The following DOCK7 variants were observed in gnomAD, a reference collection of about 807,000 sequenced individuals.
DOCK7 encodes dedicator of cytokinesis protein 7.
DOCK7 carries 138 observed loss-of-function variants against 271.0 expected under a neutral mutation model. That is an observed-to-expected ratio of 0.51 (90% CI 0.44 to 0.59). The LOEUF is 0.59. Among genes scored for constraint, DOCK7 ranks in the 20% least tolerant of loss-of-function variants. The pLI, the probability that DOCK7 is intolerant of heterozygous loss-of-function variation, is 0.00. For synonymous variants in DOCK7, 823 were observed against 876.1 expected (o/e 0.94, Z 1.07); for missense variants, 2,066 against 2,592.4 (o/e 0.80, Z 4.41).
Position 62,474,013 on chromosome 1 carries a change from G to A in DOCK7, c.6181C>T (p.Leu2061=). ...GTAAAATCTTTAAAGCAGAGTCGCAGTTTATTATGATGTCTGAAGAGCTTT... is the reference window on the plus strand; with the variant it reads ...GTAAAATCTTTAAAGCAGAGTCGCAATTTATTATGATGTCTGAAGAGCTTT... The part of the protein sequence containing the change: ...DPKLFRHHNK[L]RLCFKDFTKR... Residue 2061 remains leucine, a synonymous_variant, in exon 48 of 50, where the codon CTG becomes TTG. Coordinates refer to ENST00000635253, the MANE Select transcript of DOCK7 (RefSeq NM_001367561.1). 6.2e-7 allele frequency: 1 copy of A among 1,614,036 alleles called. No individual in the cohort carries two copies. The highest frequency in any genetic ancestry group is 8.5e-7 in the Non-Finnish European group (1 of 1,179,962).
Position 62,545,029 on chromosome 1 carries a change from C to T in DOCK7, c.2777G>A (p.Arg926His), listed in dbSNP as rs1389346235. 2.6e-6 allele frequency: 4 copies of T among 1,548,820 alleles called. No individual in the cohort carries two copies. Among genetic ancestry groups the T allele is most frequent in the South Asian group, 1.2e-5 (1 of 83,926 alleles). The change falls in exon 23 of 50, where the codon CGC (arginine) becomes CAC (histidine). Residue 926 changes from arginine (R) to histidine (H), a missense_variant. By Grantham distance (29) the Arg-to-His change is conservative (BLOSUM62 0). This residue lies in a region of DOCK7 where 1,414 missense variants were observed against 1,670.4 expected (regional missense o/e 0.85). Transcript: ENST00000635253. ...RSIIGSKGLDRSNSWVNTGGP... is the reference protein window; with the variant it reads ...RSIIGSKGLDHSNSWVNTGGP... ...ACCAGTGTTAACCCAGGAATTGGAG[C>T]GATCTAAACCCTAAGCATATAATAG...
At chr1:62,465,598 CTGCAG>C (rs1318026482) in intron 48 of DOCK7, among the ~76,000 whole-genome samples, 9 of 152,176 alleles carry the variant, frequency 5.9e-5, no homozygotes, top group Non-Finnish European at 1.0e-4. Flanking sequence ...GTTACCCAGG[CTGCAG>C]TGCAGTGGCA....
chr1:62,458,947 C>G (rs1645432457), intron 48 of DOCK7: 1 of 152,116 alleles, frequency 6.6e-6, no homozygotes, highest in Admixed American at 6.5e-5. Context: ...ATATATATCT[C>G]TACATATTTG....
chr1:62,473,936 T>C (rs761683427), intron 48 of DOCK7, 46 bp downstream of exon 48: 52 of 1,510,902 alleles, frequency 3.4e-5, no homozygotes, highest in Non-Finnish European at 4.8e-5. Context: ...ACTGTGGTAT[T>C]GGACAGTCTC....
intron 43 of DOCK7, among the ~76,000 whole-genome samples, chr1:62,480,326 C>G (rs568527308): frequency 2.0e-5 from 3 of 152,192 alleles, no homozygotes; most frequent in Admixed American, 1.3e-4. Flanking sequence ...ATTATATTTT[C>G]TCATGACATT....
At chr1:62,644,859 T>C (rs1219322382) in intron 7 of DOCK7, among the ~76,000 whole-genome samples, 1 of 152,150 alleles carries the variant, frequency 6.6e-6, no homozygotes, top group Non-Finnish European at 1.5e-5. Context: ...TGTATATAAT[T>C]ATTACTTTAG....
intron 37 of DOCK7, among the ~76,000 whole-genome samples, chr1:62,502,388 C>A (rs960706036): frequency 9.2e-5 from 14 of 152,048 alleles, no homozygotes; most frequent in African/African-American, 3.4e-4. Context: ...TTTTATAAGC[C>A]CAATTTCGCA....
chr1:62,479,311 C>T (rs1395904059), intron 43 of DOCK7, among the ~76,000 whole-genome samples: 1 of 152,116 alleles, frequency 6.6e-6, no homozygotes, highest in Non-Finnish European at 1.5e-5. Flanking sequence ...AATATCCCTA[C>T]ATTTTTGTCC....
At chr1:62,563,244 C>A (rs1274020808) in intron 18 of DOCK7, among the ~76,000 whole-genome samples, 1 of 152,162 alleles carries the variant, frequency 6.6e-6, no homozygotes, top group African/African-American at 2.4e-5. Context: ...TTCACCTCTA[C>A]CTGACAGCAG....
chr1:62,551,158 G>A (rs1261039973), intron 22 of DOCK7, among the ~76,000 whole-genome samples: 2 of 152,138 alleles, frequency 1.3e-5, no homozygotes, highest in African/African-American at 4.8e-5. Context: ...AAACTAAGTT[G>A]AGGTACTACA....
At chr1:62,489,614 T>C (rs1399681490) in intron 41 of DOCK7, among the ~76,000 whole-genome samples, 1 of 152,216 alleles carries the variant, frequency 6.6e-6, no homozygotes, top group Middle Eastern at 3.2e-3. Flanking sequence ...TGTGTGTGTA[T>C]ATTAATATAT....
intron 37 of DOCK7, among the ~76,000 whole-genome samples, chr1:62,497,800 C>T (rs984154790): frequency 3.9e-5 from 6 of 152,156 alleles, no homozygotes; most frequent in Admixed American, 3.9e-4. Context: ...AGGCAGCTGT[C>T]CAAAGTTTTG....
chr1:62,463,725 AAT>A (rs1645595692), intron 48 of DOCK7, among the ~76,000 whole-genome samples: 1 of 152,220 alleles, frequency 6.6e-6, no homozygotes. Flanking sequence ...TGCAAAACAA[AAT>A]ATGTTATTTA....
intron 18 of DOCK7, among the ~76,000 whole-genome samples, chr1:62,568,189 T>G (rs973019473): frequency 1.3e-5 from 2 of 152,130 alleles, no homozygotes; most frequent in Non-Finnish European, 2.9e-5. Context: ...ATCAAGAAGT[T>G]CTTTGAAACC....
intron 14 of DOCK7, among the ~76,000 whole-genome samples, chr1:62,595,426 G>A (rs943414030): frequency 6.6e-6 from 1 of 152,118 alleles, no homozygotes; most frequent in Non-Finnish European, 1.5e-5. Context: ...GAAAACAGGG[G>A]TTCAGAGATG....
At chr1:62,585,669 T>A (rs906669178) in intron 15 of DOCK7, among the ~76,000 whole-genome samples, 1 of 152,136 alleles carries the variant, frequency 6.6e-6, no homozygotes, top group Non-Finnish European at 1.5e-5. Flanking sequence ...CTTTCCCTGC[T>A]CTCCAAACAC....
intron 39 of DOCK7, 132 bp downstream of exon 39, chr1:62,495,449 T>C (rs1646592651): frequency 1.6e-6 from 1 of 609,508 alleles, no homozygotes; most frequent in Non-Finnish European, 2.5e-6. Flanking sequence ...AAAATAAAAA[T>C]AAAAACAATA....
chr1:62,569,111 C>G (rs71491205), intron 18 of DOCK7, among the ~76,000 whole-genome samples: 1 of 152,136 alleles, frequency 6.6e-6, no homozygotes, highest in African/African-American at 2.4e-5. Context: ...AGCCTACCAA[C>G]CAAAAAAGCC....
intron 18 of DOCK7, among the ~76,000 whole-genome samples, chr1:62,571,064 ATAAAC>A (rs1428859467): frequency 6.6e-6 from 1 of 152,096 alleles, no homozygotes; most frequent in Non-Finnish European, 1.5e-5. Flanking sequence ...TGGGATCTAA[ATAAAC>A]TAAAGAGCTT....
Sources: allele counts gnomAD v4.1 joint callset (sites outside exome capture counted in the v4.1 genomes callset), GRCh38; gene constraint gnomAD v4.1.1; regional missense constraint gnomAD v4.1.1; transcripts MANE v1.5; gene names NCBI Gene and HGNC (gene_info 2026-07-23, HGNC 2026-07-21).